The following NYAP2 variants were observed in gnomAD, a reference collection of about 807,000 sequenced individuals.
NYAP2 encodes neuronal tyrosine-phosphorylated phosphoinositide-3-kinase adapter 2.
In NYAP2, 23 loss-of-function variants were observed where a neutral mutation model predicts 50.4. The observed-to-expected ratio is 0.46, with a 90% CI of 0.33 to 0.65. NYAP2 has a LOEUF of 0.65. Among genes scored for constraint, NYAP2 ranks in the 30% least tolerant of loss-of-function variants. The probability of loss-of-function intolerance (pLI) is 0.02; values close to 1 mark genes in which losing one functional copy is unlikely to be tolerated. For synonymous variants in NYAP2, 394 were observed against 365.2 expected (o/e 1.08, Z -0.90); for missense variants, 885 against 861.0 (o/e 1.03, Z -0.35).
chr2:225,640,516 T>A (rs1693509577), intron 6 of NYAP2, among the ~76,000 whole-genome samples: 1 of 152,216 alleles, frequency 6.6e-6, no homozygotes, highest in African/African-American at 2.4e-5. Flanking sequence ...CCTTAGTGCC[T>A]CTGATTCAGT....
chr2:225,518,573 C>A lies in NYAP2; in HGVS notation c.523+4901C>A, dbSNP rs1436969236. Among the ~76,000 whole-genome samples, 41 of 10,376 alleles carry A rather than the reference C, an allele frequency of 4.0e-3. 6 individuals carry two copies. The highest frequency in any genetic ancestry group is 6.8e-3 in the East Asian group (2 of 292). The allele number at this position is 10,376 out of a possible 152,430, so 6.8% of individuals were successfully genotyped here. On this transcript the variant is annotated intron_variant, in intron 4 of 6. Transcript: ENST00000636099. ...ATATATATATATATATATATATTAG[C>A]GTGTGCGCTTATATATATATATATA...
chr2:225,402,987 A>G (rs921533401), intron 2 of NYAP2, among the ~76,000 whole-genome samples: 3 of 152,056 alleles, frequency 2.0e-5, no homozygotes, highest in Admixed American at 2.0e-4. Context: ...TATGTATTTT[A>G]CATATGTATC....
rs573879635 is a variant in NYAP2 at position 225,555,475 on chromosome 2, C to T, written c.524-26466C>T. On this transcript the variant is annotated intron_variant, in intron 4 of 6. Coordinates refer to ENST00000636099, the Ensembl canonical transcript of NYAP2. ...TCTTAGTGATAGTCTCAGGTTAATA[C>T]ATTAGAAGGTAATGACTGCTTATAG... Among the ~76,000 whole-genome samples the T allele has an allele frequency of 1.0e-3, 152 of 152,178 alleles. 2 individuals are homozygous for T. Among genetic ancestry groups the T allele is most frequent in the Non-Finnish European group, 1.6e-3 (108 of 68,012 alleles).
chr2:225,439,298 G>A (rs1330316229), intron 3 of NYAP2, among the ~76,000 whole-genome samples: 1 of 152,184 alleles, frequency 6.6e-6, no homozygotes, highest in Non-Finnish European at 1.5e-5. Context: ...AGCCAGTGAT[G>A]GCCTCATAGT....
rs532195831 is a variant in NYAP2, at chr2:225,548,215, C to T, written c.524-33726C>T. Among the ~76,000 whole-genome samples the T allele has an allele frequency of 7.9e-5, 12 of 151,374 alleles. No homozygotes were observed. In the South Asian group the frequency reaches 1.3e-3, roughly 16 times the overall value. ...GAGAAATATTTAACATTATTTGTGA[C>T]ATTTCCCACTCCTGTAAGCACAATA... On this transcript the variant is annotated intron_variant, in intron 4 of 6. Coordinates refer to ENST00000636099, the Ensembl canonical transcript of NYAP2.
chr2:225,407,848 C>A (rs1422544123), intron 2 of NYAP2, among the ~76,000 whole-genome samples: 1 of 151,838 alleles, frequency 6.6e-6, no homozygotes, highest in Non-Finnish European at 1.5e-5. Flanking sequence ...GCCTTCCTTC[C>A]ATCCATCTGT....
At chr2:225,518,148 A>G (rs146350241) in intron 4 of NYAP2, among the ~76,000 whole-genome samples, 81 of 152,224 alleles carry the variant, frequency 5.3e-4, no homozygotes, top group African/African-American at 1.9e-3. Flanking sequence ...ACATACACAC[A>G]CATACATACA....
intron 3 of NYAP2, among the ~76,000 whole-genome samples, chr2:225,453,794 A>G (rs1042571041): frequency 4.1e-5 from 6 of 147,868 alleles, no homozygotes; most frequent in Non-Finnish European, 8.9e-5. Flanking sequence ...AAACCTTCTG[A>G]GTAGTTGGGT....
In NYAP2 at chr2:225,510,747, T is replaced by C. The variant is rs142738130; in HGVS notation, c.222-2624T>C. Among the ~76,000 whole-genome samples, 8 of 152,090 alleles carry C rather than the reference T, an allele frequency of 5.3e-5. 1 individual carries two copies. The East Asian group carries it at 1.5e-3, about 29-fold the overall frequency. ...TACCTGCTAGTGCTTGAAGCATGCA[T>C]TGAATTTCTCTTGAAAGAAATGTTA... On this transcript the variant is annotated intron_variant, in intron 3 of 6. Coordinates refer to ENST00000636099, the Ensembl canonical transcript of NYAP2.
intron 5 of NYAP2, among the ~76,000 whole-genome samples, chr2:225,606,488 A>G (rs1692789776): frequency 6.6e-6 from 1 of 152,160 alleles, no homozygotes; most frequent in Non-Finnish European, 1.5e-5. Context: ...TTGAGGATAC[A>G]TAAAAATGTT....
intron 3 of NYAP2, among the ~76,000 whole-genome samples, chr2:225,481,596 T>G (rs1405897532): frequency 6.6e-6 from 1 of 152,192 alleles, no homozygotes; most frequent in Admixed American, 6.5e-5. Flanking sequence ...TCAGGTTTTT[T>G]ATTTAAATTA....
intron 4 of NYAP2, among the ~76,000 whole-genome samples, chr2:225,539,385 G>T (rs1691417960): frequency 6.6e-6 from 1 of 152,068 alleles, no homozygotes; most frequent in Non-Finnish European, 1.5e-5. Context: ...TGGGTCAAAT[G>T]GTATTTCTTG....
In NYAP2 at chr2:225,496,315, A is replaced by T. The variant is rs78318583; in HGVS notation, c.222-17056A>T. Among the ~76,000 whole-genome samples the T allele has an allele frequency of 5.1e-3, 777 of 152,284 alleles. 8 individuals are homozygous for T. Among genetic ancestry groups the T allele is most frequent in the African/African-American group, 0.017 (688 of 41,566 alleles). ...GTGGTGGCTATGACAGGAAGAAAAA[A>T]AAAATATCTTTGGGGAGAAGATTTC... On this transcript the variant is annotated intron_variant, in intron 3 of 6. Transcript: ENST00000636099.
intron 4 of NYAP2, among the ~76,000 whole-genome samples, chr2:225,551,772 C>T (rs1430626765): frequency 2.0e-5 from 3 of 152,176 alleles, no homozygotes; most frequent in Non-Finnish European, 4.4e-5. Context: ...GAGGCATATA[C>T]ACAGTAGTTG....
chr2:225,639,397 C>G (rs951494698), intron 6 of NYAP2, among the ~76,000 whole-genome samples: 1 of 152,078 alleles, frequency 6.6e-6, no homozygotes, highest in Non-Finnish European at 1.5e-5. Context: ...TTTAAAATGC[C>G]TTTATGTGTA....
intron 4 of NYAP2, among the ~76,000 whole-genome samples, chr2:225,564,649 A>T (rs1691931411): frequency 6.6e-6 from 1 of 151,876 alleles, no homozygotes; most frequent in Non-Finnish European, 1.5e-5. Context: ...GGGATAATAG[A>T]ACACCTGCAA....
chr2:225,483,457 T>C (rs1305764164), intron 3 of NYAP2, among the ~76,000 whole-genome samples: 3 of 152,228 alleles, frequency 2.0e-5, no homozygotes, highest in Non-Finnish European at 4.4e-5. Flanking sequence ...ATTGTTTTCT[T>C]ACTCAGTTCT....
intron 4 of NYAP2, among the ~76,000 whole-genome samples, chr2:225,528,011 C>T (rs1389465660): frequency 1.3e-5 from 2 of 152,118 alleles, no homozygotes; most frequent in African/African-American, 2.4e-5. Flanking sequence ...TGGAAAATCG[C>T]TTCACCTTCT....
At chr2:225,576,942 A>C (rs1401254400) in intron 4 of NYAP2, among the ~76,000 whole-genome samples, 2 of 152,162 alleles carry the variant, frequency 1.3e-5, no homozygotes, top group African/African-American at 4.8e-5. Flanking sequence ...GGACAAGGCT[A>C]ACCTCTGTTG....
Sources: gnomAD v4.1 joint callset for allele counts (sites outside exome capture counted in the v4.1 genomes callset) on GRCh38, gnomAD v4.1.1 for gene constraint, MANE v1.5 for transcripts, NCBI Gene and HGNC (gene_info 2026-07-23, HGNC 2026-07-21) for gene names.